The following TP63 variants were observed in gnomAD, a reference collection of about 807,000 sequenced individuals.
The protein encoded by TP63 is tumor protein 63.
TP63 carries 17 observed loss-of-function variants against 82.8 expected under a neutral mutation model. The observed-to-expected ratio is 0.21, with a 90% CI of 0.14 to 0.31. The LOEUF is 0.31. Ranked by LOEUF, TP63 falls within the 10% of genes least tolerant of loss-of-function variation. The pLI, the probability that TP63 is intolerant of heterozygous loss-of-function variation, is 1.00. For synonymous variants in TP63, 330 were observed against 321.7 expected, an observed-to-expected ratio of 1.03 and a Z score of -0.28; for missense variants, 648 against 895.3, an observed-to-expected ratio of 0.72 and a Z score of 3.52.
intron 3 of TP63, among the ~76,000 whole-genome samples, chr3:189,790,721 G>T (rs1405158963): frequency 6.6e-6 from 1 of 152,076 alleles, no homozygotes; most frequent in African/African-American, 2.4e-5. Flanking sequence ...GTTGTGGTGG[G>T]GAGTGTTGTG....
At chr3:189,654,486 AAAAT>A (rs1291988915) in intron 1 of TP63, among the ~76,000 whole-genome samples, 1 of 152,208 alleles carries the variant, frequency 6.6e-6, no homozygotes, top group Non-Finnish European at 1.5e-5. Flanking sequence ...TAAGGAGTAA[AAAAT>A]AAACACATTT....
At chr3:189,750,352 G>C (rs1325360686) in intron 3 of TP63, among the ~76,000 whole-genome samples, 2 of 152,176 alleles carry the variant, frequency 1.3e-5, no homozygotes, top group Non-Finnish European at 2.9e-5. Context: ...AAAGAGGTTG[G>C]TCAATGTGTG....
chr3:189,836,291 T>C (rs1230504065), intron 4 of TP63, among the ~76,000 whole-genome samples: 2 of 152,274 alleles, frequency 1.3e-5, no homozygotes, highest in East Asian at 3.9e-4. Flanking sequence ...AATATGAAAC[T>C]GAATGTACCC....
intron 1 of TP63, among the ~76,000 whole-genome samples, chr3:189,702,065 A>C (rs1173035362): frequency 2.6e-5 from 4 of 152,130 alleles, no homozygotes; most frequent in African/African-American, 9.7e-5. Context: ...TTGGCCAGAG[A>C]ATTCTTAACA....
chr3:189,670,120 G>C lies in TP63; in HGVS notation c.62+38543G>C, dbSNP rs577206669. Among the ~76,000 whole-genome samples, 4 of 152,008 alleles carry C rather than the reference G, an allele frequency of 2.6e-5. No homozygotes were observed. In the South Asian group the frequency reaches 8.3e-4, roughly 32 times the overall value. On this transcript the variant is annotated intron_variant, in intron 1 of 13. Transcript: ENST00000264731. ...TTGATAATTGTAAAGAGACAATCAG[G>C]AAGAAATAACAAGCCTGAATGTGTA...
chr3:189,740,825 A>G (rs981614422), intron 3 of TP63, among the ~76,000 whole-genome samples: 5 of 152,096 alleles, frequency 3.3e-5, no homozygotes, highest in Admixed American at 6.5e-5. Flanking sequence ...TTAATGTGCC[A>G]TGTTGTTTCT....
chr3:189,697,713 C>A (rs1024307979), intron 1 of TP63, among the ~76,000 whole-genome samples: 1 of 151,988 alleles, frequency 6.6e-6, no homozygotes, highest in African/African-American at 2.4e-5. Flanking sequence ...TTATTTAGAT[C>A]TTGCTTGAAT....
At chr3:189,650,833 G>A (rs1712824539) in intron 1 of TP63, among the ~76,000 whole-genome samples, 1 of 147,312 alleles carries the variant, frequency 6.8e-6, no homozygotes, top group Admixed American at 6.7e-5. Flanking sequence ...ACAGGCAGAG[G>A]CTGGAACAGT....
chr3:189,795,554 A>C (rs1725606063), intron 3 of TP63, among the ~76,000 whole-genome samples: 1 of 152,018 alleles, frequency 6.6e-6, no homozygotes, highest in Non-Finnish European at 1.5e-5. Context: ...GAGGGGATAA[A>C]ATTTATAAAA....
At chr3:189,682,650 G>C (rs1716083850) in intron 1 of TP63, among the ~76,000 whole-genome samples, 1 of 148,710 alleles carries the variant, frequency 6.7e-6, no homozygotes, top group Non-Finnish European at 1.5e-5. Context: ...AAAACACAAG[G>C]AAATATAACT....
chr3:189,684,053 G>A (rs950021085), intron 1 of TP63, among the ~76,000 whole-genome samples: 3 of 152,152 alleles, frequency 2.0e-5, no homozygotes, highest in Non-Finnish European at 4.4e-5. Context: ...GGTAATACAA[G>A]GTGTGAGTGG....
intron 4 of TP63, among the ~76,000 whole-genome samples, chr3:189,843,746 A>C (rs1246891540): frequency 2.0e-5 from 3 of 152,168 alleles, no homozygotes; most frequent in Non-Finnish European, 4.4e-5. Flanking sequence ...GAATCAAAAA[A>C]TCCGGGGCCA....
At chr3:189,658,591 A>G (rs1380701770) in intron 1 of TP63, among the ~76,000 whole-genome samples, 1 of 152,012 alleles carries the variant, frequency 6.6e-6, no homozygotes, top group African/African-American at 2.4e-5. Context: ...TTAAAAATCC[A>G]TAACGCTAAT....
chr3:189,701,200 A>G (rs1211471288), intron 1 of TP63, among the ~76,000 whole-genome samples: 2 of 152,080 alleles, frequency 1.3e-5, no homozygotes, highest in African/African-American at 4.8e-5. Context: ...ATATGTCTTT[A>G]ATAGCAGCGT....
At chr3:189,893,955 A>G (rs1454684080) in intron 13 of TP63, among the ~76,000 whole-genome samples, 2 of 152,130 alleles carry the variant, frequency 1.3e-5, no homozygotes, top group Non-Finnish European at 2.9e-5. Flanking sequence ...AATTTTACCA[A>G]TGAAGAAACT....
At chr3:189,634,195 A>G (rs1729627093) in intron 1 of TP63, among the ~76,000 whole-genome samples, 1 of 152,124 alleles carries the variant, frequency 6.6e-6, no homozygotes. Context: ...AAATTTAATC[A>G]TTCCATAATC....
chr3:189,699,523 A>G (rs1438733436), intron 1 of TP63, among the ~76,000 whole-genome samples: 2 of 152,230 alleles, frequency 1.3e-5, no homozygotes, highest in African/African-American at 2.4e-5. Context: ...TGCAAGTACC[A>G]TCAGCCCATC....
At position 189,894,366 on chromosome 3, in the gene TP63, A is replaced by T. The variant is rs376926686; in HGVS notation, c.1907A>T (p.Glu636Val). ...GTGGGCTCCAGTGAGACCCGGGGTG[A>T]GCGTGTTATTGATGCTGTGCGATTC... is the stretch of plus-strand genomic sequence containing the variant. ...VSVGSSETRG[E>V]RVIDAVRFTL... Residue 636 changes from glutamate (E) to valine (V), a missense_variant, in exon 14 of 14, where the codon GAG becomes GTG. Physicochemically the swap from Glu to Val is moderately radical, Grantham distance 121. This residue lies in a region of TP63 where 342 missense variants were observed against 425.7 expected (regional missense o/e 0.80). Transcript: ENST00000264731. 6.2e-7 allele frequency: 1 copy of T among 1,613,720 alleles called. No individual in the cohort carries two copies.
At chr3:189,620,048 G>A in the TP63 span, among the ~76,000 whole-genome samples, 1 of 152,312 alleles carries the variant, frequency 6.6e-6, no homozygotes, top group East Asian at 1.9e-4. Context: ...ATGAAAAAAA[G>A]AGCGGAAGAA....
Sources: gnomAD v4.1 joint callset for allele counts (sites outside exome capture counted in the v4.1 genomes callset) on GRCh38, gnomAD v4.1.1 for gene constraint, gnomAD v4.1.1 regional missense constraint, MANE v1.5 for transcripts, NCBI Gene and HGNC (gene_info 2026-07-23, HGNC 2026-07-21) for gene names.